Variants in PRKN observed in about 807,000 individuals in gnomAD.
The protein encoded by PRKN is E3 ubiquitin-protein ligase parkin.
A neutral mutation model predicts 59.5 loss-of-function variants in PRKN; 56 were observed. The ratio of observed to expected loss-of-function variants is 0.94; its 90% confidence interval spans 0.76 to 1.18. The LOEUF is 1.18. PRKN is among the 50% of genes most tolerant of loss of function. The probability of loss-of-function intolerance (pLI) is 0.00; values close to 1 mark genes in which losing one functional copy is unlikely to be tolerated. For missense variants in PRKN, 657 were observed against 596.4 expected, an observed-to-expected ratio of 1.10 and a Z score of -1.06; for synonymous variants, 250 against 222.1, an observed-to-expected ratio of 1.13 and a Z score of -1.12.
intron 7 of PRKN, among the ~76,000 whole-genome samples, chr6:161,720,988 GA>G (rs2128185287): frequency 6.6e-6 from 1 of 152,262 alleles, no homozygotes; most frequent in South Asian, 2.1e-4. Context: ...ACTTAGGCTG[GA>G]TTTTCTAGAG....
At chr6:161,406,660 T>C (rs1787291974) in intron 9 of PRKN, among the ~76,000 whole-genome samples, 2 of 152,120 alleles carry the variant, frequency 1.3e-5, no homozygotes, top group Admixed American at 1.3e-4. Flanking sequence ...CAACAAAAAC[T>C]CCTTTGGCCC....
At chr6:162,655,165 G>C (rs80148088) in intron 1 of PRKN, among the ~76,000 whole-genome samples, 2,234 of 152,090 alleles carry the variant, frequency 0.015, 61 homozygotes, top group African/African-American at 0.051. Flanking sequence ...TTGGCATTCT[G>C]ATCTACAATA....
rs573661950 is a variant in PRKN, at chr6:161,941,858, A to C, written c.734+31444T>G. 2.0e-5 allele frequency among the ~76,000 whole-genome samples: 3 copies of C among 152,314 alleles called. No homozygotes were observed. In the South Asian group the frequency reaches 6.2e-4, roughly 32 times the overall value. ...GCTGGAGACCATAATAAAGAGATGG[A>C]TCATAGAGGAAAGATCATGTGAAAA... On this transcript the variant is annotated intron_variant, in intron 6 of 11. Transcript: ENST00000366898.
rs527511437 is a variant in PRKN, at chr6:162,157,835, T to C, written c.534+43296A>G. 2.0e-5 allele frequency among the ~76,000 whole-genome samples: 3 copies of C among 152,138 alleles called. 1 individual carries two copies. In the South Asian group the frequency reaches 6.2e-4, roughly 32 times the overall value. ...ATTCCTTACTCTTGTTAGGCATGCA[T>C]ACTGTGGATCTCAGGTTTTAATGTT... is the stretch of plus-strand genomic sequence containing the variant. On this transcript the variant is annotated intron_variant, in intron 4 of 11. Coordinates refer to ENST00000366898, the MANE Select transcript of PRKN (RefSeq NM_004562.3).
chr6:161,995,986 T>TA (rs1366099787), intron 5 of PRKN, among the ~76,000 whole-genome samples: 1 of 151,936 alleles, frequency 6.6e-6, no homozygotes, highest in Non-Finnish European at 1.5e-5. Flanking sequence ...CACAAAAAAT[T>TA]AAAAAATCCC....
intron 7 of PRKN, among the ~76,000 whole-genome samples, chr6:161,682,027 TGAG>T (rs1785384201): frequency 6.6e-6 from 1 of 152,074 alleles, no homozygotes; most frequent in East Asian, 1.9e-4. Flanking sequence ...CGAGTGGCTG[TGAG>T]GAGAAGAGAG....
At chr6:161,832,539 G>T (rs966472094) in intron 6 of PRKN, among the ~76,000 whole-genome samples, 1 of 149,192 alleles carries the variant, frequency 6.7e-6, no homozygotes, top group Non-Finnish European at 1.5e-5. Flanking sequence ...CAGGAGAATC[G>T]CTTGAACCCA....
intron 7 of PRKN, among the ~76,000 whole-genome samples, chr6:161,733,804 A>ATATATATACACG (rs1787845017): frequency 7.7e-6 from 1 of 129,076 alleles, no homozygotes; most frequent in African/African-American, 3.9e-5. Context: ...ATATGTATAT[A>ATATATATACACG]TATATATATA....
At chr6:161,940,334 A>G (rs1256626211) in intron 6 of PRKN, among the ~76,000 whole-genome samples, 2 of 152,324 alleles carry the variant, frequency 1.3e-5, no homozygotes, top group Non-Finnish European at 2.9e-5. Flanking sequence ...GTCTTTGTGT[A>G]TGAGCACAAA....
intron 5 of PRKN, among the ~76,000 whole-genome samples, chr6:161,981,993 G>T (rs561092749): frequency 6.6e-6 from 1 of 152,134 alleles, no homozygotes; most frequent in Admixed American, 6.5e-5. Flanking sequence ...CTGAGAAGGA[G>T]GCTGTCAGTT....
In PRKN at chr6:161,378,752, G is replaced by A. The variant is rs1193952992; in HGVS notation, c.1167+8042C>T. Among the ~76,000 whole-genome samples, 1 of 152,198 alleles carries A rather than the reference G, an allele frequency of 6.6e-6. No individual in the cohort carries two copies. The highest frequency in any genetic ancestry group is 2.4e-5 in the African/African-American group (1 of 41,454). ...GATGCCGCTGGAGCTGCACTGTGATGTGGGCGCTATCCTCTAAGGTGAGAT... is the reference window on the plus strand; with the variant it reads ...GATGCCGCTGGAGCTGCACTGTGATATGGGCGCTATCCTCTAAGGTGAGAT... On this transcript the variant is annotated intron_variant, in intron 10 of 11. Coordinates refer to ENST00000366898, the MANE Select transcript of PRKN (RefSeq NM_004562.3). The surrounding 1 kb of genome is among the most constrained non-coding windows in gnomAD (Gnocchi z 7.3).
chr6:161,588,806 C>G lies in PRKN; in HGVS notation c.872-19390G>C, dbSNP rs1781611317. Among the ~76,000 whole-genome samples, 1 of 152,138 alleles carries G rather than the reference C, an allele frequency of 6.6e-6. No homozygotes were observed. The highest frequency in any genetic ancestry group is 1.9e-4 in the East Asian group (1 of 5,184). ...AGAAGGACAGAACTTAATTTTGGCA[C>G]AAGCCTAGGACTGCCAGATTTAGCA... On this transcript the variant is annotated intron_variant, in intron 7 of 11. Coordinates refer to ENST00000366898, the MANE Select transcript of PRKN (RefSeq NM_004562.3). The surrounding 1 kb of genome is among the most constrained non-coding windows in gnomAD (Gnocchi z 5.0).
At chr6:162,158,720 C>T (rs1396385905) in intron 4 of PRKN, among the ~76,000 whole-genome samples, 5 of 151,946 alleles carry the variant, frequency 3.3e-5, no homozygotes, top group African/African-American at 9.7e-5. Flanking sequence ...TGTAAGCCAC[C>T]GCGTCCAGCT....
intron 7 of PRKN, among the ~76,000 whole-genome samples, chr6:161,648,722 G>A (rs932390043): frequency 1.3e-5 from 2 of 152,252 alleles, no homozygotes; most frequent in East Asian, 3.9e-4. Context: ...TTAGGTTCAG[G>A]TGTCTGCAGT....
chr6:162,595,663 A>G (rs1781473361), intron 1 of PRKN, among the ~76,000 whole-genome samples: 1 of 152,172 alleles, frequency 6.6e-6, no homozygotes, highest in African/African-American at 2.4e-5. Flanking sequence ...ATTTTTAAAT[A>G]GAAATAATAA....
At chr6:161,859,577 C>T (rs1793803922) in intron 6 of PRKN, among the ~76,000 whole-genome samples, 1 of 140,610 alleles carries the variant, frequency 7.1e-6, no homozygotes, top group African/African-American at 2.6e-5. Context: ...TGCCAGTGTA[C>T]TCCAGCCTGG....
intron 4 of PRKN, among the ~76,000 whole-genome samples, chr6:162,142,862 A>G (rs1460813635): frequency 6.6e-6 from 1 of 152,234 alleles, no homozygotes; most frequent in Non-Finnish European, 1.5e-5. Context: ...GGTAAATAAT[A>G]ATGATAAATA....
Position 161,502,522 on chromosome 6 carries a change from C to G in PRKN, c.1083+46332G>C, listed in dbSNP as rs1778000424. Among the ~76,000 whole-genome samples, 1 of 152,078 alleles carries G rather than the reference C, an allele frequency of 6.6e-6. No homozygotes were observed. The highest frequency in any genetic ancestry group is 1.5e-5 in the Non-Finnish European group (1 of 68,022). On this transcript the variant is annotated intron_variant, in intron 9 of 11. Transcript: ENST00000366898. This position sits in a 1 kb window ranked among gnomAD's most constrained non-coding sequence, Gnocchi z 4.0. The stretch of plus-strand genomic sequence containing the variant: ...CAACATCCCGACTCTGGAATCCATT[C>G]CCACATTTAAAAAATGGGATAATGT...
intron 7 of PRKN, among the ~76,000 whole-genome samples, chr6:161,704,839 C>G (rs1446287908): frequency 6.6e-6 from 1 of 152,216 alleles, no homozygotes; most frequent in Non-Finnish European, 1.5e-5. Flanking sequence ...TTCACATCTG[C>G]TCAGCTATAA....
Sources: gnomAD v4.1 joint callset for allele counts (sites outside exome capture counted in the v4.1 genomes callset) on GRCh38, gnomAD v4.1.1 for gene constraint, Gnocchi (gnomAD v3.1) non-coding constraint, MANE v1.5 for transcripts, NCBI Gene and HGNC (gene_info 2026-07-23, HGNC 2026-07-21) for gene names.